CAMK2D: variants seen among roughly 807,000 people sequenced by gnomAD.
CAMK2D encodes the protein calcium/calmodulin dependent protein kinase II delta.
CAMK2D carries 37 observed loss-of-function variants against 84.0 expected under a neutral mutation model. The observed-to-expected ratio is 0.44, with a 90% confidence interval of 0.34 to 0.58. The LOEUF (loss-of-function observed/expected upper bound fraction) is 0.58, where lower values mean the gene tolerates loss of function less well. CAMK2D is among the 20% of genes least tolerant of loss of function. The probability of loss-of-function intolerance (pLI) is 0.02; values close to 1 mark genes in which losing one functional copy is unlikely to be tolerated. For missense variants in CAMK2D, 448 were observed against 652.5 expected, an observed-to-expected ratio of 0.69 and a Z score of 3.41; for synonymous variants, 202 against 212.5, an observed-to-expected ratio of 0.95 and a Z score of 0.43.
At chr4:113,526,905 CTT>C (rs34934229) in intron 8 of CAMK2D, among the ~76,000 whole-genome samples, 28,832 of 136,954 alleles carry the variant, frequency 0.21, 2,964 homozygotes, top group Non-Finnish European at 0.27. Flanking sequence ...TTTTACTGTG[CTT>C]TTTTTTTTTT....
intron 2 of CAMK2D, among the ~76,000 whole-genome samples, chr4:113,719,596 A>G (rs1360585590): frequency 2.0e-5 from 3 of 152,224 alleles, no homozygotes; most frequent in African/African-American, 7.2e-5. Context: ...ATGGAAATGA[A>G]CACAACTGGT....
chr4:113,655,218 C>T (rs1026721717), intron 3 of CAMK2D, among the ~76,000 whole-genome samples: 2 of 151,996 alleles, frequency 1.3e-5, no homozygotes, highest in Non-Finnish European at 1.5e-5. Flanking sequence ...CAGAGCAGGC[C>T]AGCATCAGAA....
intron 3 of CAMK2D, among the ~76,000 whole-genome samples, chr4:113,631,635 A>C (rs1211762859): frequency 6.6e-6 from 1 of 152,108 alleles, no homozygotes; most frequent in African/African-American, 2.4e-5. Context: ...CAAAACCAAA[A>C]TGTTAGCTGG....
At chr4:113,652,326 C>T (rs753845381) in intron 3 of CAMK2D, among the ~76,000 whole-genome samples, 25 of 152,162 alleles carry the variant, frequency 1.6e-4, no homozygotes, top group Non-Finnish European at 3.4e-4. Context: ...CCTGATAACA[C>T]AGTTAATAGT....
At chr4:113,736,676 A>G (rs2099582137) in intron 2 of CAMK2D, among the ~76,000 whole-genome samples, 1 of 152,230 alleles carries the variant, frequency 6.6e-6, no homozygotes, top group Non-Finnish European at 1.5e-5. Flanking sequence ...ATTTGAAAAC[A>G]TAACAAACAC....
At chr4:113,466,129 G>T (rs1216712990) in intron 16 of CAMK2D, among the ~76,000 whole-genome samples, 1 of 151,840 alleles carries the variant, frequency 6.6e-6, no homozygotes, top group Admixed American at 6.6e-5. Context: ...GGTGGCGCAT[G>T]CCTATAATCC....
chr4:113,672,268 A>G (rs1341060086), intron 2 of CAMK2D, among the ~76,000 whole-genome samples: 1 of 152,220 alleles, frequency 6.6e-6, no homozygotes, highest in Non-Finnish European at 1.5e-5. Flanking sequence ...TTGAAAGTCA[A>G]GGTAAAGAAA....
intron 3 of CAMK2D, among the ~76,000 whole-genome samples, chr4:113,623,901 T>G (rs1051881684): frequency 1.3e-5 from 2 of 152,158 alleles, no homozygotes; most frequent in African/African-American, 4.8e-5. Flanking sequence ...CTCAAGGAGC[T>G]TCTCATTGTG....
At chr4:113,731,567 T>C (rs1394747534) in intron 2 of CAMK2D, among the ~76,000 whole-genome samples, 3 of 151,124 alleles carry the variant, frequency 2.0e-5, no homozygotes, top group Non-Finnish European at 4.4e-5. Flanking sequence ...TAAAAGATAA[T>C]CTAAGCCAGG....
At chr4:113,678,886 C>T (rs1173876855) in intron 2 of CAMK2D, among the ~76,000 whole-genome samples, 1 of 152,068 alleles carries the variant, frequency 6.6e-6, no homozygotes, top group East Asian at 1.9e-4. Flanking sequence ...AAAATGAACA[C>T]ACATGTGATC....
At chr4:113,751,792 T>A (rs10018110) in intron 2 of CAMK2D, among the ~76,000 whole-genome samples, 35,592 of 151,834 alleles carry the variant, frequency 0.23, 5,945 homozygotes, top group African/African-American at 0.48. Flanking sequence ...TAAATAATTT[T>A]AAAAAAAATT....
At chr4:113,681,076 T>C (rs190906354) in intron 2 of CAMK2D, among the ~76,000 whole-genome samples, 2 of 152,342 alleles carry the variant, frequency 1.3e-5, no homozygotes, top group African/African-American at 4.8e-5. Context: ...TTGACTACAT[T>C]TACTGAAGCA....
intron 2 of CAMK2D, among the ~76,000 whole-genome samples, chr4:113,682,330 T>C (rs2099348301): frequency 1.3e-5 from 2 of 152,090 alleles, no homozygotes; most frequent in Admixed American, 6.5e-5. Flanking sequence ...AATTAATTTC[T>C]CATATAAATT....
intron 16 of CAMK2D, among the ~76,000 whole-genome samples, chr4:113,490,528 C>T (rs1192662271): frequency 7.5e-6 from 1 of 133,342 alleles, no homozygotes; most frequent in Admixed American, 7.6e-5. Context: ...CAGTACCACG[C>T]TGTTTTGGTT....
chr4:113,596,977 G>A (rs780836821), intron 4 of CAMK2D, among the ~76,000 whole-genome samples: 2 of 151,962 alleles, frequency 1.3e-5, no homozygotes, highest in Admixed American at 6.6e-5. Context: ...TCACCACCAG[G>A]CTGGCTAATT....
In CAMK2D at chr4:113,629,608, TCA is replaced by T. The variant is rs1297208378; in HGVS notation, c.221-20404_221-20403del. ...ACTATATTTAGTGGTCGTTAAAGGG[TCA>T]TAATGCACAGTTTGAAAACATCTAG... On this transcript the variant is annotated intron_variant, in intron 3 of 20. Coordinates refer to ENST00000511664, the MANE Select transcript of CAMK2D (RefSeq NM_001321571.2). Among the ~76,000 whole-genome samples the T allele has an allele frequency of 1.6e-4, 25 of 152,122 alleles. No individual in the cohort carries two copies. The East Asian group carries it at 4.4e-3, about 27-fold the overall frequency.
chr4:113,462,338 G>GTCTATCTATCTATCTATCTATCTA (rs1215010791), intron 17 of CAMK2D, among the ~76,000 whole-genome samples: 57 of 130,512 alleles, frequency 4.4e-4, no homozygotes, highest in African/African-American at 1.2e-3. Flanking sequence ...CTGTCTGTCT[G>GTCTATCTATCTATCTATCTATCTA]TCTATCTATC....
intron 2 of CAMK2D, among the ~76,000 whole-genome samples, chr4:113,738,895 C>T (rs2099586989): frequency 6.6e-6 from 1 of 151,932 alleles, no homozygotes; most frequent in South Asian, 2.1e-4. Flanking sequence ...TGGAAATATA[C>T]ATCAAATTTT....
At chr4:113,709,865 G>C (rs2099486441) in intron 2 of CAMK2D, among the ~76,000 whole-genome samples, 1 of 145,402 alleles carries the variant, frequency 6.9e-6, no homozygotes, top group Admixed American at 7.1e-5. Flanking sequence ...AGCAAAAGCA[G>C]CTCCAGGTTT....
Sources: gnomAD v4.1 joint callset for allele counts (sites outside exome capture counted in the v4.1 genomes callset) on GRCh38, gnomAD v4.1.1 for gene constraint, MANE v1.5 for transcripts, NCBI Gene and HGNC (gene_info 2026-07-23, HGNC 2026-07-21) for gene names.